Variants in FAM163B observed in about 807,000 individuals in gnomAD.
FAM163B encodes family with sequence similarity 163 member B.
A neutral mutation model predicts 7.6 loss-of-function variants in FAM163B; 4 were observed. That is an observed-to-expected ratio of 0.52 (90% CI 0.26 to 1.20). The LOEUF (loss-of-function observed/expected upper bound fraction) is 1.20, where lower values mean the gene tolerates loss of function less well. FAM163B is among the 50% of genes most tolerant of loss of function. The pLI, the probability that FAM163B is intolerant of heterozygous loss-of-function variation, is 0.14. For missense variants in FAM163B, 250 were observed against 243.0 expected, an observed-to-expected ratio of 1.03 and a Z score of -0.19; for synonymous variants, 120 against 111.6, an observed-to-expected ratio of 1.07 and a Z score of -0.47.
chr9:133,599,012 C>T (rs1050866550), intron 1 of FAM163B, among the ~76,000 whole-genome samples: 2 of 152,156 alleles, frequency 1.3e-5, no homozygotes, highest in Non-Finnish European at 2.9e-5. Context: ...CACCCCCTCC[C>T]CCAGGGGCCC....
intron 1 of FAM163B, among the ~76,000 whole-genome samples, chr9:133,582,248 G>C (rs1160262736): frequency 6.6e-6 from 1 of 152,218 alleles, no homozygotes; most frequent in Non-Finnish European, 1.5e-5. Flanking sequence ...ACTGGTCCCA[G>C]CCTGTTGTCT....
rs190984037 is a variant in FAM163B at position 133,592,817 on chromosome 9, C to G, written c.-23-12571G>C. Among the ~76,000 whole-genome samples, 39 of 152,236 alleles carry G rather than the reference C, an allele frequency of 2.6e-4. No individual in the cohort carries two copies. In the East Asian group the frequency reaches 7.4e-3, roughly 29 times the overall value. On this transcript the variant is annotated intron_variant, in intron 1 of 2. Transcript: ENST00000673969. ...CTGGGGGTGAGGTCCAGCAAGCCCC[C>G]GAGAGGATTCTGACCGATGCTGCTG...
Position 133,603,543 on chromosome 9 carries a change from G to A in FAM163B, c.-24+5534C>T, listed in dbSNP as rs533112242. Among the ~76,000 whole-genome samples the A allele has an allele frequency of 4.6e-4, 70 of 152,302 alleles. 3 individuals are homozygous for A. The South Asian group carries it at 0.013, about 28-fold the overall frequency. ...TGGCCCAGCCTGTTCTCTCCCACCC[G>A]CAAAGGGAGAAGAGGAAATTCAGGG... is the stretch of plus-strand genomic sequence containing the variant. On this transcript the variant is annotated intron_variant, in intron 1 of 2. Coordinates refer to ENST00000673969, the MANE Select transcript of FAM163B (RefSeq NM_001080515.3).
chr9:133,583,598 C>T (rs1049490035), intron 1 of FAM163B, among the ~76,000 whole-genome samples: 3 of 152,182 alleles, frequency 2.0e-5, no homozygotes, highest in Non-Finnish European at 4.4e-5. Flanking sequence ...TTCATCGGGT[C>T]CCTGAGGGAG....
chr9:133,607,066 G>A (rs530765298), intron 1 of FAM163B, among the ~76,000 whole-genome samples: 20 of 152,292 alleles, frequency 1.3e-4, no homozygotes, highest in Admixed American at 3.3e-4. Context: ...AGGTCAGTCC[G>A]AAGATTTCAA....
intron 1 of FAM163B, among the ~76,000 whole-genome samples, chr9:133,605,943 C>G (rs151163627): frequency 0.012 from 1,822 of 152,320 alleles, 50 homozygotes; most frequent in African/African-American, 0.042. Context: ...AGTCATTCCC[C>G]ATGGTGCAGC....
intron 1 of FAM163B, among the ~76,000 whole-genome samples, chr9:133,588,731 G>A (rs1329495181): frequency 1.0e-3 from 1 of 988 alleles, no homozygotes; most frequent in Non-Finnish European, 1.4e-3. Flanking sequence ...CCCACTCATT[G>A]TGCAGTTGGG....
In FAM163B at chr9:133,606,247, A is replaced by T. The variant is rs1831788143; in HGVS notation, c.-24+2830T>A. ...CAGCCCACTTCACCCCAGGGGCAACAGGATTCCTTCCCCTCTCCAGCAACC... is the reference window on the plus strand; with the variant it reads ...CAGCCCACTTCACCCCAGGGGCAACTGGATTCCTTCCCCTCTCCAGCAACC... On this transcript the variant is annotated intron_variant, in intron 1 of 2. Transcript: ENST00000673969. The surrounding 1 kb of genome is among the most constrained non-coding windows in gnomAD (Gnocchi z 4.0). 6.6e-6 allele frequency among the ~76,000 whole-genome samples: 1 copy of T among 152,212 alleles called. No homozygotes were observed. The highest frequency in any genetic ancestry group is 6.5e-5 in the Admixed American group (1 of 15,286).
Position 133,586,779 on chromosome 9 carries a change from G to C in FAM163B, c.-23-6533C>G, listed in dbSNP as rs1300655872. Among the ~76,000 whole-genome samples the C allele has an allele frequency of 5.9e-5, 9 of 152,308 alleles. No homozygotes were observed. In the East Asian group the frequency reaches 1.7e-3, roughly 29 times the overall value. ...TAAGGCAGGGGTGGGGTGTGATGGG[G>C]AGCAGTGGGTCCCTGCCTTTCTCAG... On this transcript the variant is annotated intron_variant, in intron 1 of 2. Coordinates refer to ENST00000673969, the MANE Select transcript of FAM163B (RefSeq NM_001080515.3).
Position 133,601,497 on chromosome 9 carries a change from C to T in FAM163B, c.-24+7580G>A, listed in dbSNP as rs748293071. 1.3e-5 allele frequency among the ~76,000 whole-genome samples: 2 copies of T among 152,188 alleles called. No homozygotes were observed. The highest frequency in any genetic ancestry group is 2.9e-5 in the Non-Finnish European group (2 of 68,012). On this transcript the variant is annotated intron_variant, in intron 1 of 2. Coordinates refer to ENST00000673969, the MANE Select transcript of FAM163B (RefSeq NM_001080515.3). This position sits in a 1 kb window ranked among gnomAD's most constrained non-coding sequence, Gnocchi z 4.1. ...CATTAACCACAGGGGCCTGGCCAGGCGAGACCCACTCTCTCTGGAGTTCCC... is the reference window on the plus strand; with the variant it reads ...CATTAACCACAGGGGCCTGGCCAGGTGAGACCCACTCTCTCTGGAGTTCCC...
intron 1 of FAM163B, among the ~76,000 whole-genome samples, chr9:133,594,359 GGTT>G: frequency 6.6e-6 from 1 of 152,234 alleles, no homozygotes; most frequent in African/African-American, 2.4e-5. Flanking sequence ...CTGGGTAAGA[GGTT>G]GTTCCTCTGG....
chr9:133,579,465 G>T, intron 2 of FAM163B, 36 bp from the exon 3 acceptor site: 1 of 1,528,414 alleles, frequency 6.5e-7, no homozygotes, highest in South Asian at 1.2e-5. Context: ...GCGGCCGCCC[G>T]CTCCCACCCC....
rs958616171 is a variant in FAM163B at position 133,584,904 on chromosome 9, C to T, written c.-23-4658G>A. ...CCAGCTCCCTGAAGCCTCCGCACTG[C>T]CAGCCAAGGCAATTTGGCGAGAATA... On this transcript the variant is annotated intron_variant, in intron 1 of 2. Coordinates refer to ENST00000673969, the MANE Select transcript of FAM163B (RefSeq NM_001080515.3). 5.9e-5 allele frequency among the ~76,000 whole-genome samples: 9 copies of T among 152,246 alleles called. 1 individual carries two copies. Among genetic ancestry groups the T allele is most frequent in the Admixed American group, 5.9e-4 (9 of 15,288 alleles).
chr9:133,602,899 T>G (rs368188661), intron 1 of FAM163B, among the ~76,000 whole-genome samples: 3 of 152,166 alleles, frequency 2.0e-5, no homozygotes, highest in African/African-American at 7.2e-5. Context: ...GAATCAGCCC[T>G]CTTAAAGCAG....
chr9:133,587,675 G>A (rs969122757), intron 1 of FAM163B, among the ~76,000 whole-genome samples: 18 of 152,096 alleles, frequency 1.2e-4, no homozygotes, highest in Non-Finnish European at 2.2e-4. Flanking sequence ...CCGGCTGAGG[G>A]CTGCCTGGTT....
chr9:133,605,746 GC>G (rs1393201812), intron 1 of FAM163B, among the ~76,000 whole-genome samples: 2 of 152,174 alleles, frequency 1.3e-5, no homozygotes, highest in Non-Finnish European at 2.9e-5. Flanking sequence ...GTCCGGCGCT[GC>G]CTGAGCCTGA....
Position 133,606,887 on chromosome 9 carries a change from G to A in FAM163B, c.-24+2190C>T, listed in dbSNP as rs1262258315. ...CATGAGGCTGCAGAGGCAGGCCCAC[G>A]TGGCAGGAGCCAGAGGTCTCACTGC... On this transcript the variant is annotated intron_variant, in intron 1 of 2. Transcript: ENST00000673969. This position sits in a 1 kb window ranked among gnomAD's most constrained non-coding sequence, Gnocchi z 4.0. Among the ~76,000 whole-genome samples the A allele has an allele frequency of 1.5e-4, 23 of 152,228 alleles. No individual in the cohort carries two copies.
chr9:133,605,801 C>T (rs200843457), intron 1 of FAM163B, among the ~76,000 whole-genome samples: 1 of 152,136 alleles, frequency 6.6e-6, no homozygotes, highest in Non-Finnish European at 1.5e-5. Context: ...AGTCTCAGGC[C>T]GTCTCCCATC....
chr9:133,591,639 C>G (rs891865623), intron 1 of FAM163B, among the ~76,000 whole-genome samples: 2 of 152,324 alleles, frequency 1.3e-5, no homozygotes, highest in Admixed American at 1.3e-4. Context: ...CTCAGGGGGG[C>G]GGAGAACATG....
Sources: gnomAD v4.1 joint callset for allele counts (sites outside exome capture counted in the v4.1 genomes callset) on GRCh38, gnomAD v4.1.1 for gene constraint, Gnocchi (gnomAD v3.1) non-coding constraint, MANE v1.5 for transcripts, NCBI Gene and HGNC (gene_info 2026-07-23, HGNC 2026-07-21) for gene names.